MAOA: variants seen among roughly 807,000 people sequenced by gnomAD.
MAOA encodes the protein monoamine oxidase A, also known as amine oxidase [flavin-containing] A.
Under a neutral mutation model 42.0 loss-of-function variants are expected in MAOA, and 6 were observed. The observed-to-expected ratio is 0.14, with a 90% CI of 0.08 to 0.28. MAOA has a LOEUF of 0.28. Among genes scored for constraint, MAOA ranks in the 10% least tolerant of loss-of-function variants. MAOA has a pLI of 1.00. For missense variants in MAOA, 262 were observed against 422.3 expected (o/e 0.62, Z 3.33); for synonymous variants, 140 against 154.0 (o/e 0.91, Z 0.67).
At chrX:43,683,689 G>A in intron 2 of MAOA, 82 bp downstream of exon 2, 1 of 791,134 alleles carries the variant, frequency 1.3e-6, no homozygotes, top group Admixed American at 2.3e-5. Context: ...AGGGCTAGAG[G>A]AGGTCTTAAG....
At chrX:43,666,625 C>G (rs1336893927) in intron 1 of MAOA, among the ~76,000 whole-genome samples, 1 of 110,860 alleles carries the variant, frequency 9.0e-6, no homozygotes, top group East Asian at 2.8e-4. Flanking sequence ...CTGCTTTCCT[C>G]ACAGAAACCA....
chrX:43,678,031 T>A (rs1283120046), intron 1 of MAOA, among the ~76,000 whole-genome samples: 1 of 112,133 alleles, frequency 8.9e-6, no homozygotes, highest in African/African-American at 3.2e-5. Flanking sequence ...TACATCCCAA[T>A]GATGATCATA....
At chrX:43,701,712 C>T (rs535401760) in intron 3 of MAOA, among the ~76,000 whole-genome samples, 22 of 112,133 alleles carry the variant, frequency 2.0e-4, no homozygotes, top group African/African-American at 7.1e-4. Context: ...TTTGTGATCA[C>T]ACATAATCAT....
rs1343462814 is a variant in MAOA at position 43,746,679 on chromosome X, G to A, written c.*2166G>A. ...CTATGTTTAGTGTGATTGTGAACTT[G>A]GTGCCTAATGTTCCATGTCTGAAGT... On this transcript the variant is annotated 3_prime_UTR_variant, in exon 15 of 15. Coordinates refer to ENST00000338702, the MANE Select transcript of MAOA (RefSeq NM_000240.4). 8.9e-6 allele frequency: 1 copy of A among 112,188 alleles called. No homozygotes were observed. 9.2% of individuals were successfully genotyped at this position (112,188 alleles called of 1,213,427 possible).
At chrX:43,665,129 G>A (rs987869591) in intron 1 of MAOA, among the ~76,000 whole-genome samples, 3 of 111,934 alleles carry the variant, frequency 2.7e-5, no homozygotes, top group African/African-American at 9.7e-5. Context: ...TGTGCTCTGG[G>A]CATTGTTCAC....
Position 43,744,574 on chromosome X carries a change from C to A in MAOA, c.*61C>A. ...AATACCACCAAGAGGAAAATATTGA[C>A]AAGTTTAAAGGCTGTGTCATTGGGC... On this transcript the variant is annotated 3_prime_UTR_variant, in exon 15 of 15. Transcript: ENST00000338702. 1.7e-6 allele frequency: 2 copies of A among 1,146,372 alleles called. No individual in the cohort carries two copies. The highest frequency in any genetic ancestry group is 3.6e-5 in the South Asian group (2 of 55,327). 94.5% of individuals were successfully genotyped at this position (1,146,372 alleles called of 1,213,427 possible).
At chrX:43,743,309 T>C (rs373081160) in intron 12 of MAOA, among the ~76,000 whole-genome samples, 1 of 110,624 alleles carries the variant, frequency 9.0e-6, no homozygotes, top group African/African-American at 3.3e-5. Flanking sequence ...ATGTCTCAGG[T>C]CTCTCCTTTG....
intron 10 of MAOA, among the ~76,000 whole-genome samples, chrX:43,738,741 G>T (rs2033939525): frequency 9.0e-6 from 1 of 111,584 alleles, no homozygotes; most frequent in African/African-American, 3.3e-5. Flanking sequence ...GATCACCTGA[G>T]TCCAGGGAGG....
intron 5 of MAOA, among the ~76,000 whole-genome samples, chrX:43,724,711 G>A (rs9723711): frequency 0.1 from 11,332 of 110,446 alleles, 867 homozygotes; most frequent in African/African-American, 0.27. Context: ...CTTGTCTTCT[G>A]CTAGCTTTTG....
intron 7 of MAOA, 59 bp from the exon 8 acceptor site, chrX:43,731,635 G>A (rs751599475): frequency 1.9e-5 from 21 of 1,089,405 alleles, no homozygotes; most frequent in Middle Eastern, 2.5e-4. Context: ...GATTTTTCAC[G>A]CCTGCCACAA....
intron 9 of MAOA, among the ~76,000 whole-genome samples, chrX:43,734,902 A>G (rs758313051): frequency 1.4e-4 from 12 of 85,924 alleles, no homozygotes; most frequent in Admixed American, 8.6e-4. Flanking sequence ...TTAATCTTTT[A>G]TCAGATATTG....
intron 1 of MAOA, among the ~76,000 whole-genome samples, chrX:43,674,571 G>C (rs1251324152): frequency 9.0e-6 from 1 of 111,084 alleles, no homozygotes; most frequent in Non-Finnish European, 1.9e-5. Flanking sequence ...GCATGATTTT[G>C]CAGCAGCTGG....
chrX:43,727,573 G>C (rs1417931559), intron 5 of MAOA, among the ~76,000 whole-genome samples: 2 of 112,956 alleles, frequency 1.8e-5, no homozygotes, highest in East Asian at 5.6e-4. Flanking sequence ...AGGATTTCAA[G>C]CCAATGGATA....
intron 3 of MAOA, among the ~76,000 whole-genome samples, chrX:43,708,840 T>C (rs745761088): frequency 9.2e-6 from 1 of 108,183 alleles, no homozygotes; most frequent in Admixed American, 9.9e-5. Context: ...TTTTTTGTAT[T>C]TTTAGTAGAG....
intron 5 of MAOA, among the ~76,000 whole-genome samples, chrX:43,717,881 G>T (rs892426306): frequency 9.1e-6 from 1 of 109,451 alleles, no homozygotes; most frequent in Non-Finnish European, 1.9e-5. Context: ...TAGGGAGATG[G>T]TATCTTCCAG....
chrX:43,727,160 C>T (rs747532908), intron 5 of MAOA, among the ~76,000 whole-genome samples: 2 of 111,981 alleles, frequency 1.8e-5, no homozygotes, highest in African/African-American at 6.5e-5. Flanking sequence ...GGTCGGGGCC[C>T]ACTTGAGGCA....
chrX:43,702,842 C>T (rs1486116017), intron 3 of MAOA, among the ~76,000 whole-genome samples: 2 of 110,950 alleles, frequency 1.8e-5, no homozygotes, highest in East Asian at 2.8e-4. Context: ...GCCTAGTTTC[C>T]ATAGCCATAT....
intron 8 of MAOA, 46 bp downstream of exon 8, chrX:43,731,899 C>G (rs755591265): frequency 1.2e-5 from 13 of 1,089,774 alleles, no homozygotes; most frequent in Admixed American, 4.4e-5. Flanking sequence ...ATGAAGAAAT[C>G]ACAGTCTTTT....
chrX:43,693,570 T>G (rs1047951409), intron 3 of MAOA, 142 bp downstream of exon 3: 1 of 656,476 alleles, frequency 1.5e-6, no homozygotes, highest in East Asian at 3.5e-5. Flanking sequence ...CTTTCTTTTC[T>G]TGTTTTCTTT....
Sources: allele counts gnomAD v4.1 joint callset (sites outside exome capture counted in the v4.1 genomes callset), GRCh38; gene constraint gnomAD v4.1.1; transcripts MANE v1.5; gene names NCBI Gene and HGNC (gene_info 2026-07-23, HGNC 2026-07-21).